The following KYAT1 variants were observed in gnomAD, a reference collection of about 807,000 sequenced individuals.
KYAT1 encodes kynurenine aminotransferase 1.
KYAT1 carries 47 observed loss-of-function variants against 52.4 expected under a neutral mutation model. That is an observed-to-expected ratio of 0.90 (90% CI 0.71 to 1.14). KYAT1 has a LOEUF of 1.14. KYAT1 is among the 50% of genes most tolerant of loss of function. The pLI is 0.00. For missense variants in KYAT1, 480 were observed against 557.9 expected, an observed-to-expected ratio of 0.86 and a Z score of 1.41; for synonymous variants, 212 against 209.6, an observed-to-expected ratio of 1.01 and a Z score of -0.10.
At position 128,835,470 on chromosome 9, in the gene KYAT1, G is replaced by C. The variant is rs1830887129; in HGVS notation, c.1042+11C>G. Reference sequence around the variant, plus strand: ...CCCTGCGCCCTGCCCAGACCGGCAAGTCTCACTCACTGAAGTCTGAGATGT... The same window carrying C: ...CCCTGCGCCCTGCCCAGACCGGCAACTCTCACTCACTGAAGTCTGAGATGT... On this transcript the variant is annotated intron_variant, in intron 10 of 12. Coordinates refer to ENST00000302586, the MANE Select transcript of KYAT1 (RefSeq NM_004059.5). The C allele has an allele frequency of 6.2e-7, 1 of 1,613,744 alleles. No homozygotes were observed. The highest frequency in any genetic ancestry group is 1.7e-5 in the Admixed American group (1 of 60,010).
rs557133203 is a variant in KYAT1, at chr9:128,856,698, G to A, written c.-6-11287C>T. Among the ~76,000 whole-genome samples, 10 of 152,356 alleles carry A rather than the reference G, an allele frequency of 6.6e-5. No individual in the cohort carries two copies. The South Asian group carries it at 1.2e-3, about 19-fold the overall frequency. On this transcript the variant is annotated intron_variant, in intron 1 of 12. Transcript: ENST00000302586. Reference sequence around the variant, plus strand: ...TTAACAAAATGTTTACAAGCAGTATGCTTGGTAAAAGTCATCGCCATTCTC... The same window carrying A: ...TTAACAAAATGTTTACAAGCAGTATACTTGGTAAAAGTCATCGCCATTCTC...
chr9:128,874,042 G>C (rs1168821205), intron 1 of KYAT1, among the ~76,000 whole-genome samples: 1 of 151,570 alleles, frequency 6.6e-6, no homozygotes, highest in Non-Finnish European at 1.5e-5. Context: ...GATCACCTGA[G>C]GTCAGAAGTT....
intron 1 of KYAT1, among the ~76,000 whole-genome samples, chr9:128,856,353 G>A (rs1834590847): frequency 6.6e-6 from 1 of 152,100 alleles, no homozygotes; most frequent in South Asian, 2.1e-4. Context: ...GTTCTCTGTT[G>A]CTGGTCTACA....
chr9:128,865,340 TATATATATATATATATATA>T (rs1836158785), intron 1 of KYAT1, among the ~76,000 whole-genome samples: 10 of 2,210 alleles, frequency 4.5e-3, no homozygotes, highest in East Asian at 0.029. Flanking sequence ...TATATATATA[TATATATATATATATATATA>T]TTTTTTTTTT....
chr9:128,866,764 T>C (rs1456623343), intron 1 of KYAT1, among the ~76,000 whole-genome samples: 1 of 151,348 alleles, frequency 6.6e-6, no homozygotes, highest in East Asian at 2.0e-4. Context: ...ATAAAAAATA[T>C]TAGCCGTGAT....
chr9:128,862,222 C>G (rs1431407331), intron 1 of KYAT1, among the ~76,000 whole-genome samples: 1 of 152,168 alleles, frequency 6.6e-6, no homozygotes, highest in East Asian at 1.9e-4. Context: ...AGGCTTGTCT[C>G]AAACTCCTGG....
chr9:128,862,158 G>C (rs1296943210), intron 1 of KYAT1, among the ~76,000 whole-genome samples: 1 of 152,150 alleles, frequency 6.6e-6, no homozygotes, highest in African/African-American at 2.4e-5. Context: ...CATCTCAAGT[G>C]AATTGAGCTA....
chr9:128,839,581 C>T (rs1176325155), intron 3 of KYAT1, among the ~76,000 whole-genome samples: 1 of 151,970 alleles, frequency 6.6e-6, no homozygotes, highest in Non-Finnish European at 1.5e-5. Context: ...GCCGAGATCG[C>T]GCCACTGCAC....
chr9:128,845,412 C>T lies in KYAT1; in HGVS notation c.-6-1G>A. On this transcript the variant is annotated splice_acceptor_variant, in intron 1 of 12. Coordinates refer to ENST00000302586, the MANE Select transcript of KYAT1 (RefSeq NM_004059.5). LOFTEE classifies it low-confidence loss of function (5UTR_SPLICE). ...CCTGCAGCTGTTTGGCCATGGCGAG[C>T]TGGAGACGAACAAGTGGAAGGTCAG... The T allele has an allele frequency of 6.2e-7, 1 of 1,613,684 alleles. No homozygotes were observed. Among genetic ancestry groups the T allele is most frequent in the Non-Finnish European group, 8.5e-7 (1 of 1,179,984 alleles).
intron 1 of KYAT1, among the ~76,000 whole-genome samples, chr9:128,846,212 T>C (rs1374765475): frequency 1.3e-5 from 2 of 152,176 alleles, no homozygotes; most frequent in African/African-American, 4.8e-5. Context: ...GCAGATCACC[T>C]GAGGTCAGGA....
At chr9:128,841,501 C>A (rs542174411) in intron 3 of KYAT1, among the ~76,000 whole-genome samples, 2 of 151,174 alleles carry the variant, frequency 1.3e-5, no homozygotes, top group Non-Finnish European at 2.9e-5. Flanking sequence ...AGACTCCAGC[C>A]GGGGCGACAG....
intron 1 of KYAT1, among the ~76,000 whole-genome samples, chr9:128,879,894 T>TG (rs1838563934): frequency 6.6e-6 from 1 of 152,208 alleles, no homozygotes; most frequent in South Asian, 2.1e-4. Flanking sequence ...CCTCAGCCTC[T>TG]GGCAGCTCAC....
chr9:128,836,865 C>T lies in KYAT1; in HGVS notation c.625G>A (p.Val209Met). Residue 209 changes from valine (V) to methionine (M), a missense_variant, in exon 7 of 13, where the codon GTG (valine) becomes ATG (methionine). By Grantham distance (21) the Val-to-Met change is conservative. Coordinates refer to ENST00000302586, the MANE Select transcript of KYAT1 (RefSeq NM_004059.5). Reference protein sequence around the residue: ...VASLCQQHDVVCITDEVYQWM... With the variant: ...VASLCQQHDVMCITDEVYQWM... ...TGGTAGACTTCATCAGTGATACACACCACGTCATGCTGCTGGCAAAGGCTG... is the reference window on the plus strand; with the variant it reads ...TGGTAGACTTCATCAGTGATACACATCACGTCATGCTGCTGGCAAAGGCTG... The T allele has an allele frequency of 1.2e-6, 2 of 1,614,014 alleles. No homozygotes were observed. Among genetic ancestry groups the T allele is most frequent in the East Asian group, 2.2e-5 (1 of 44,876 alleles).
chr9:128,852,215 A>T (rs970172219), intron 1 of KYAT1, among the ~76,000 whole-genome samples: 1 of 152,260 alleles, frequency 6.6e-6, no homozygotes, highest in East Asian at 1.9e-4. Flanking sequence ...ATGCTGACTG[A>T]CTTAAGAGCT....
At chr9:128,868,533 TTTTC>T (rs2130766763) in intron 1 of KYAT1, among the ~76,000 whole-genome samples, 1 of 152,008 alleles carries the variant, frequency 6.6e-6, no homozygotes, top group East Asian at 1.9e-4. Context: ...CTGGACATTT[TTTTC>T]TTTTTTTCCT....
rs942321069 is a variant in KYAT1, at chr9:128,881,916, C to A, written c.-26G>T. The A allele has an allele frequency of 1.3e-5, 2 of 152,346 alleles. No homozygotes were observed. The highest frequency in any genetic ancestry group is 1.3e-4 in the Admixed American group (2 of 15,286). 9.4% of individuals were successfully genotyped at this position (152,346 alleles called of 1,614,324 possible). A position where few individuals can be genotyped will look rare whatever the true frequency, so the allele number is the denominator to read the frequency against. On this transcript the variant is annotated 5_prime_UTR_variant, in exon 1 of 13. Coordinates refer to ENST00000302586, the MANE Select transcript of KYAT1 (RefSeq NM_004059.5). ...ACTCACCCTCACCTGGGCCGCTTCA[C>A]CCCTCGTTCCCAAGTACACCCCGTA...
intron 3 of KYAT1, chr9:128,842,139 A>G (rs1297878879): frequency 1.1e-5 from 4 of 352,866 alleles, no homozygotes; most frequent in East Asian, 9.4e-5. Flanking sequence ...GCTGCAGTGG[A>G]CCATGATCGC....
chr9:128,845,206 G>C, intron 2 of KYAT1, 147 bp downstream of exon 2: 1 of 634,292 alleles, frequency 1.6e-6, no homozygotes. Flanking sequence ...CTACTCCCTC[G>C]GGCCCTGTCT....
intron 1 of KYAT1, among the ~76,000 whole-genome samples, chr9:128,875,931 G>A (rs541233886): frequency 1.3e-5 from 2 of 151,416 alleles, no homozygotes; most frequent in Non-Finnish European, 3.0e-5. Context: ...GCATTCCAGG[G>A]GCTGATGTCA....
Sources: gnomAD v4.1 joint callset for allele counts (sites outside exome capture counted in the v4.1 genomes callset) on GRCh38, gnomAD v4.1.1 for gene constraint, MANE v1.5 for transcripts, NCBI Gene and HGNC (gene_info 2026-07-23, HGNC 2026-07-21) for gene names.